The following ZNF180 variants were observed in gnomAD, a reference collection of about 807,000 sequenced individuals.
ZNF180 encodes zinc finger protein 180, also known as zinc finger protein 180 (HHZ168).
In ZNF180, 11 loss-of-function variants were observed where a neutral mutation model predicts 11.8. The ratio of observed to expected loss-of-function variants is 0.93; its 90% CI spans 0.59 to 1.55. The LOEUF is 1.55. ZNF180 is among the 40% of genes most tolerant of loss of function. The pLI, the probability that ZNF180 is intolerant of heterozygous loss-of-function variation, is 0.00. For missense variants in ZNF180, 773 were observed against 781.7 expected (o/e 0.99, Z 0.13); for synonymous variants, 287 against 257.7 (o/e 1.11, Z -1.09).
chr19:44,476,149 T>TTATTATTATCTATTATTATCTATTATTCC lies in ZNF180; in HGVS notation c.*252_*253insGGAATAATAGATAATAATAGATAATAATA. 2.8e-6 allele frequency: 1 copy of TTATTATTATCTATTATTATCTATTATTCC among 352,558 alleles called. No individual in the cohort carries two copies. Among genetic ancestry groups the TTATTATTATCTATTATTATCTATTATTCC allele is most frequent in the East Asian group, 4.6e-5 (1 of 21,588 alleles). 21.8% of individuals were successfully genotyped at this position (352,558 alleles called of 1,614,324 possible). On this transcript the variant is annotated 3_prime_UTR_variant, in exon 5 of 5. Transcript: ENST00000592529. Reference sequence around the variant, plus strand: ...TTTCTGCAAGGAAAAGTGCCAGTATTTATTATTTTCATAGGAATATGTCAT... The same window carrying TTATTATTATCTATTATTATCTATTATTCC: ...TTTCTGCAAGGAAAAGTGCCAGTATTTATTATTATCTATTATTATCTATTATTCCTATTATTTTCATAGGAATATGTCAT...
In ZNF180 at chr19:44,480,422, C is replaced by A. The variant is rs77825279; in HGVS notation, c.127-1013G>T. The stretch of plus-strand genomic sequence containing the variant: ...ACCTGACCCAATTGTCTTTCCCTGG[C>A]GAGTTTATTCCATTTCTATTTATTA... On this transcript the variant is annotated intron_variant, in intron 3 of 4. Transcript: ENST00000592529. Among the ~76,000 whole-genome samples, 473 of 152,174 alleles carry A rather than the reference C, an allele frequency of 3.1e-3. 3 individuals carry two copies. The highest frequency in any genetic ancestry group is 5.6e-3 in the Non-Finnish European group (383 of 68,000).
chr19:44,488,071 T>A (rs979873886), intron 2 of ZNF180, among the ~76,000 whole-genome samples: 7 of 105,314 alleles, frequency 6.6e-5, no homozygotes, highest in Non-Finnish European at 1.3e-4. Flanking sequence ...CCTTGCCCTC[T>A]CCCTCTCCCT....
At position 44,484,057 on chromosome 19, in the gene ZNF180, C is replaced by T. The variant is rs558611433; in HGVS notation, c.126+304G>A. On this transcript the variant is annotated intron_variant, in intron 3 of 4. Transcript: ENST00000592529. ...TCGCCCAGGCTGAAGTGCAGTGGCG[C>T]AATCTCGGCTCACTGCAAGCTCTGC... Among the ~76,000 whole-genome samples the T allele has an allele frequency of 3.6e-4, 54 of 150,672 alleles. 1 individual carries two copies. In the South Asian group the frequency reaches 8.0e-3, roughly 22 times the overall value.
At chr19:44,497,525 T>G in intron 1 of ZNF180, 148 bp from the exon 2 acceptor site, 1 of 750,304 alleles carries the variant, frequency 1.3e-6, no homozygotes, top group Non-Finnish European at 2.1e-6. Context: ...CCTGCCCAAA[T>G]ACCTGTGTAT....
chr19:44,492,241 A>G (rs1021192214), intron 2 of ZNF180, among the ~76,000 whole-genome samples: 2 of 152,140 alleles, frequency 1.3e-5, no homozygotes, highest in Non-Finnish European at 2.9e-5. Context: ...TTATCTTTGT[A>G]TTCTCCTCAG....
chr19:44,498,781 T>C (rs951091694), intron 1 of ZNF180, among the ~76,000 whole-genome samples: 2 of 152,074 alleles, frequency 1.3e-5, no homozygotes, highest in Non-Finnish European at 2.9e-5. Context: ...TCTGCCCAAA[T>C]GCCAGCACAC....
chr19:44,489,140 C>T (rs565678890), intron 2 of ZNF180, among the ~76,000 whole-genome samples: 63,352 of 119,930 alleles, frequency 0.53, 16,992 homozygotes, highest in South Asian at 0.71. Context: ...CCGCCCCGTC[C>T]GGGAGGGAGG....
At chr19:44,494,486 G>A (rs796099707) in intron 2 of ZNF180, among the ~76,000 whole-genome samples, 6 of 151,176 alleles carry the variant, frequency 4.0e-5, no homozygotes, top group African/African-American at 7.3e-5. Flanking sequence ...GCAACACAGC[G>A]AGACCCTGTC....
In ZNF180 at chr19:44,477,774, T is replaced by C. The variant is rs779398573; in HGVS notation, c.626A>G (p.His209Arg). Residue 209 changes from histidine (H) to arginine (R), a missense_variant, in exon 5 of 5, where the codon CAT becomes CGT. His to Arg is a conservative substitution (Grantham distance 29). Coordinates refer to ENST00000592529, the MANE Select transcript of ZNF180 (RefSeq NM_001278509.3). ...KWHLNAAVNS[H>R]QKINENETLY... ...TGTCTCATTCTCATTAATCTTCTGA[T>C]GACTGTTTACAGCAGCATTAAGATG... 2.9e-5 allele frequency: 47 copies of C among 1,614,030 alleles called. No individual in the cohort carries two copies. The Middle Eastern group carries it at 4.9e-4, about 17-fold the overall frequency.
At chr19:44,479,584 T>C in intron 3 of ZNF180, 175 bp from the exon 4 acceptor site, 1 of 730,270 alleles carries the variant, frequency 1.4e-6, no homozygotes, top group Non-Finnish European at 2.2e-6. Flanking sequence ...GGGTGAGCTC[T>C]TTGGGTTTTG....
In ZNF180 at chr19:44,477,754, C is replaced by G. The variant is rs763652820; in HGVS notation, c.646G>C (p.Glu216Gln). The change falls in exon 5 of 5, where the codon GAG (glutamate) becomes CAG (glutamine). Residue 216 changes from glutamate (E) to glutamine (Q), a missense_variant. Transcript: ENST00000592529. ...VNSHQKINEN[E>Q]TLYENNECGK... is the part of the protein sequence containing the mutation. ...CATTCATTATTTTCATATAGTGTCTCATTCTCATTAATCTTCTGATGACTG... is the reference window on the plus strand; with the variant it reads ...CATTCATTATTTTCATATAGTGTCTGATTCTCATTAATCTTCTGATGACTG... 4 of 1,613,982 alleles carry G rather than the reference C, an allele frequency of 2.5e-6. No individual in the cohort carries two copies. The highest frequency in any genetic ancestry group is 2.5e-6 in the Non-Finnish European group (3 of 1,179,962).
intron 2 of ZNF180, 28 bp from the exon 3 acceptor site, chr19:44,484,463 G>A (rs371498987): frequency 3.2e-6 from 5 of 1,567,010 alleles, no homozygotes; most frequent in Admixed American, 1.7e-5. Flanking sequence ...ATGAGAAAAA[G>A]GAAAATAATC....
At chr19:44,480,031 G>A (rs1013329544) in intron 3 of ZNF180, among the ~76,000 whole-genome samples, 6 of 152,240 alleles carry the variant, frequency 3.9e-5, no homozygotes, top group African/African-American at 1.2e-4. Flanking sequence ...ACTGGATGTA[G>A]AAGATACAAA....
At chr19:44,496,338 T>G (rs777549192) in intron 2 of ZNF180, among the ~76,000 whole-genome samples, 52 of 152,222 alleles carry the variant, frequency 3.4e-4, no homozygotes, top group Non-Finnish European at 6.0e-4. Flanking sequence ...TATTTTTACC[T>G]TAAAGTGTAC....
chr19:44,489,102 T>G (rs1600087323), intron 2 of ZNF180, among the ~76,000 whole-genome samples: 2 of 108,990 alleles, frequency 1.8e-5, no homozygotes, highest in Non-Finnish European at 1.9e-5. Context: ...GGGAGGGAGG[T>G]GGGGGGGCCA....
Position 44,484,435 on chromosome 19 carries a change from C to G in ZNF180, c.52G>C (p.Asp18His). 1.2e-6 allele frequency: 2 copies of G among 1,612,574 alleles called. No homozygotes were observed. Among genetic ancestry groups the G allele is most frequent in the African/African-American group, 2.7e-5 (2 of 74,990 alleles). The change falls in exon 3 of 5, where the codon GAT becomes CAT. Residue 18 changes from aspartate to histidine, a missense_variant and splice_region_variant. Physicochemically the swap from Asp to His is moderately conservative, Grantham distance 81. Transcript: ENST00000592529. ...PPEPPKVCAQ[D>H]SFLPQEIIIK... ...ATAATCTCTTGAGGAAGGAAAGAAT[C>G]CTGAAAAGGCAAAACAGATGAGAAA...
chr19:44,492,346 C>T (rs1024415370), intron 2 of ZNF180, among the ~76,000 whole-genome samples: 3 of 149,412 alleles, frequency 2.0e-5, no homozygotes, highest in Non-Finnish European at 4.4e-5. Context: ...AAAACTTTTA[C>T]TCTACTTTCT....
intron 2 of ZNF180, among the ~76,000 whole-genome samples, chr19:44,491,756 T>G (rs1223681672): frequency 6.6e-6 from 1 of 152,092 alleles, no homozygotes; most frequent in African/African-American, 2.4e-5. Flanking sequence ...TTTTTATTTT[T>G]TGTAGAGGTG....
At position 44,500,518 on chromosome 19, in the gene ZNF180, C is replaced by T; in HGVS notation, c.-287G>A. 1.9e-6 allele frequency: 1 copy of T among 513,264 alleles called. No homozygotes were observed. Among genetic ancestry groups the T allele is most frequent in the Non-Finnish European group, 3.5e-6 (1 of 289,052 alleles). 31.8% of individuals were successfully genotyped at this position (513,264 alleles called of 1,614,324 possible). ...GTCCGCGCGCGGGACAATGGCTGCT[C>T]TTGTGGCCGAACCCGGAAGTGCACT... On this transcript the variant is annotated 5_prime_UTR_variant, in exon 1 of 5. Transcript: ENST00000592529.
Sources: gnomAD v4.1 joint callset for allele counts (sites outside exome capture counted in the v4.1 genomes callset) on GRCh38, gnomAD v4.1.1 for gene constraint, MANE v1.5 for transcripts, NCBI Gene and HGNC (gene_info 2026-07-23, HGNC 2026-07-21) for gene names.